LYN: variants seen among roughly 807,000 people sequenced by gnomAD.
LYN encodes the protein tyrosine-protein kinase Lyn.
Under a neutral mutation model 65.0 loss-of-function variants are expected in LYN, and 12 were observed. That is an observed-to-expected ratio of 0.18 (90% CI 0.12 to 0.30). The LOEUF is 0.30. Among genes scored for constraint, LYN ranks in the 10% least tolerant of loss-of-function variants. LYN has a pLI of 1.00. For missense variants in LYN, 380 were observed against 623.2 expected (o/e 0.61, Z 4.16); for synonymous variants, 222 against 221.2 (o/e 1.00, Z -0.03).
chr8:55,946,076 TCCCTCTG>T (rs904714099), intron 2 of LYN, among the ~76,000 whole-genome samples: 2 of 152,100 alleles, frequency 1.3e-5, no homozygotes, highest in Admixed American at 1.3e-4. Context: ...GGACCAAAAC[TCCCTCTG>T]CCCTCTGCCC....
chr8:55,960,950 C>T (rs572793400), intron 8 of LYN, among the ~76,000 whole-genome samples: 1 of 152,320 alleles, frequency 6.6e-6, no homozygotes, highest in Non-Finnish European at 1.5e-5. Context: ...CATGCTTCCT[C>T]TGTGGATTGT....
At chr8:55,915,590 C>T (rs1245290608) in intron 1 of LYN, among the ~76,000 whole-genome samples, 2 of 152,182 alleles carry the variant, frequency 1.3e-5, no homozygotes, top group East Asian at 1.9e-4. Context: ...CCTGTAATCC[C>T]AGCTACTTTG....
chr8:55,921,199 G>A (rs1235660101), intron 1 of LYN, among the ~76,000 whole-genome samples: 1 of 152,204 alleles, frequency 6.6e-6, no homozygotes, highest in African/African-American at 2.4e-5. Context: ...TTACGGAATT[G>A]CTGCTGACCA....
chr8:55,983,799 C>T (rs748516635), intron 10 of LYN, among the ~76,000 whole-genome samples: 2 of 152,232 alleles, frequency 1.3e-5, no homozygotes, highest in Non-Finnish European at 2.9e-5. Flanking sequence ...CCAGAACTCA[C>T]TCTTTCAACC....
At chr8:55,953,771 A>G in intron 7 of LYN, 61 bp from the exon 8 acceptor site, 2 of 1,536,230 alleles carry the variant, frequency 1.3e-6, no homozygotes, top group Non-Finnish European at 1.8e-6. Flanking sequence ...TTTTCTTTAT[A>G]GACACAGGTA....
At chr8:56,001,131 C>T (rs1808499646) in intron 12 of LYN, among the ~76,000 whole-genome samples, 1 of 152,116 alleles carries the variant, frequency 6.6e-6, no homozygotes, top group Non-Finnish European at 1.5e-5. Context: ...GAGTCTTGGG[C>T]TCTCTGAGGT....
rs534232093 is a variant in LYN, at chr8:55,953,781, A to G, written c.638-51A>G. The G allele has an allele frequency of 3.2e-6, 5 of 1,576,686 alleles. No homozygotes were observed. In the South Asian group the frequency reaches 4.6e-5, roughly 14 times the overall value. ...TCAACTTTTCTTTATAGACACAGGT[A>G]AAGTACAAAGTATTGCATTTCTTAA... On this transcript the variant is annotated intron_variant, in intron 7 of 12. Transcript: ENST00000519728.
At chr8:55,989,622 T>C (rs1340763721) in intron 10 of LYN, among the ~76,000 whole-genome samples, 2 of 152,224 alleles carry the variant, frequency 1.3e-5, no homozygotes, top group Non-Finnish European at 2.9e-5. Context: ...AGAGGGAATT[T>C]AAATGAGTGC....
intron 1 of LYN, among the ~76,000 whole-genome samples, chr8:55,911,132 T>C (rs1377577141): frequency 5.9e-5 from 2 of 33,800 alleles, no homozygotes; most frequent in African/African-American, 1.7e-4. Flanking sequence ...TATATACACA[T>C]ACATATATAT....
Position 55,880,044 on chromosome 8 carries a change from C to T in LYN, c.-65C>T, listed in dbSNP as rs1039126995. The T allele has an allele frequency of 2.2e-5, 7 of 313,718 alleles. No homozygotes were observed. The highest frequency in any genetic ancestry group is 4.5e-5 in the Non-Finnish European group (7 of 154,574). 19.4% of individuals were successfully genotyped at this position (313,718 alleles called of 1,614,324 possible). A position where few individuals can be genotyped will look rare whatever the true frequency, so the allele number is the denominator to read the frequency against. Reference sequence around the variant, plus strand: ...CCTGCTGGGCCGCCCCGTCGCGCCCCCCACTCTGAACTCAAGTCACCGTGG... The same window carrying T: ...CCTGCTGGGCCGCCCCGTCGCGCCCTCCACTCTGAACTCAAGTCACCGTGG... On this transcript the variant is annotated 5_prime_UTR_variant, in exon 1 of 13. Transcript: ENST00000519728.
chr8:55,949,051 C>T (rs1235253900), intron 4 of LYN, among the ~76,000 whole-genome samples: 1 of 152,206 alleles, frequency 6.6e-6, no homozygotes, highest in Non-Finnish European at 1.5e-5. Context: ...TTCCAGTGCT[C>T]ATCCCTGCCT....
At chr8:55,925,405 G>A (rs751622161) in intron 1 of LYN, among the ~76,000 whole-genome samples, 4 of 152,208 alleles carry the variant, frequency 2.6e-5, no homozygotes, top group East Asian at 1.9e-4. Flanking sequence ...TTACAGGTCC[G>A]AGCCACTGCG....
At chr8:56,005,893 G>A (rs1017633091) in intron 12 of LYN, among the ~76,000 whole-genome samples, 1 of 152,140 alleles carries the variant, frequency 6.6e-6, no homozygotes, top group African/African-American at 2.4e-5. Flanking sequence ...AGACCAGCCT[G>A]GGCAACATAG....
chr8:55,880,507 G>A (rs999193837), intron 1 of LYN, among the ~76,000 whole-genome samples: 7 of 152,212 alleles, frequency 4.6e-5, no homozygotes, highest in Admixed American at 4.6e-4. Context: ...TTGCGGAGCG[G>A]GCGCGCGGCG....
chr8:56,011,596 T>C lies in LYN; in HGVS notation c.*1486T>C, dbSNP rs2130607464. 1 of 190,690 alleles carries C rather than the reference T, an allele frequency of 5.2e-6. No individual in the cohort carries two copies. Among genetic ancestry groups the C allele is most frequent in the Middle Eastern group, 1.9e-3 (1 of 526 alleles). 11.8% of individuals were successfully genotyped at this position (190,690 alleles called of 1,614,324 possible). A position where few individuals can be genotyped will look rare whatever the true frequency, so the allele number is the denominator to read the frequency against. ...TCCGTTTATGGGGGCCAGATAGAAT[T>C]TGTTTTCAAATAGGCTTAACAGGCA... On this transcript the variant is annotated 3_prime_UTR_variant, in exon 13 of 13. Transcript: ENST00000519728.
intron 10 of LYN, among the ~76,000 whole-genome samples, chr8:55,976,326 CAA>C (rs35717306): frequency 7.6e-4 from 65 of 85,620 alleles, no homozygotes; most frequent in South Asian, 2.0e-3. Context: ...GACTCCATCT[CAA>C]AAAAAAAAAA....
intron 1 of LYN, among the ~76,000 whole-genome samples, chr8:55,936,199 C>G (rs564062093): frequency 3.9e-5 from 6 of 152,304 alleles, no homozygotes; most frequent in African/African-American, 1.2e-4. Context: ...CTCAAGATCA[C>G]TTTTGTTTCA....
At chr8:55,910,151 G>A (rs1313952597) in intron 1 of LYN, among the ~76,000 whole-genome samples, 1 of 152,022 alleles carries the variant, frequency 6.6e-6, no homozygotes, top group Non-Finnish European at 1.5e-5. Flanking sequence ...TTTAGTTTAA[G>A]TAAGTCTCAT....
In LYN at chr8:55,950,041, T is replaced by C. The variant is rs113907647; in HGVS notation, c.285-418T>C. ...CATACAATATGTGGTCCTTTTTGACTGCCTTCTTTTATTTAGCATAATGTT... is the reference window on the plus strand; with the variant it reads ...CATACAATATGTGGTCCTTTTTGACCGCCTTCTTTTATTTAGCATAATGTT... On this transcript the variant is annotated intron_variant, in intron 4 of 12. Transcript: ENST00000519728. 2.6e-3 allele frequency among the ~76,000 whole-genome samples: 394 copies of C among 152,384 alleles called. 2 individuals are homozygous for C. Among genetic ancestry groups the C allele is most frequent in the African/African-American group, 9.3e-3 (385 of 41,592 alleles).
Sources: allele counts gnomAD v4.1 joint callset (sites outside exome capture counted in the v4.1 genomes callset), GRCh38; gene constraint gnomAD v4.1.1; transcripts MANE v1.5; gene names NCBI Gene and HGNC (gene_info 2026-07-23, HGNC 2026-07-21).